Variants in RALGAPA1 observed in about 807,000 individuals in gnomAD.
RALGAPA1 encodes ral GTPase-activating protein subunit alpha-1.
In RALGAPA1, 52 loss-of-function variants were observed where a neutral mutation model predicts 269.6. That is an observed-to-expected ratio of 0.19 (90% confidence interval 0.15 to 0.24). The LOEUF is 0.24. Among genes scored for constraint, RALGAPA1 ranks in the 10% least tolerant of loss-of-function variants. The pLI is 1.00. For missense variants in RALGAPA1, 1,917 were observed against 3,013.9 expected (o/e 0.64, Z 8.52); for synonymous variants, 817 against 1,008.3 (o/e 0.81, Z 3.60).
At chr14:35,646,318 C>G (rs532436174) in intron 31 of RALGAPA1, among the ~76,000 whole-genome samples, 1 of 152,268 alleles carries the variant, frequency 6.6e-6, no homozygotes, top group African/African-American at 2.4e-5. Context: ...AGTAGCTTTA[C>G]AGTGGGAACA....
In RALGAPA1 at chr14:35,539,538, C is replaced by T; in HGVS notation, c.*176G>A. ...TGCTGATCACTGCTGGGCTGCTTGT[C>T]TCCTTAGGATTTATTGGCTGAGCCA... On this transcript the variant is annotated 3_prime_UTR_variant, in exon 42 of 42. Transcript: ENST00000680220. The T allele has an allele frequency of 6.2e-7, 1 of 1,611,644 alleles. No individual in the cohort carries two copies. Among genetic ancestry groups the T allele is most frequent in the South Asian group, 1.1e-5 (1 of 90,878 alleles).
At chr14:35,591,549 C>T (rs542308555) in intron 37 of RALGAPA1, among the ~76,000 whole-genome samples, 1 of 152,230 alleles carries the variant, frequency 6.6e-6, no homozygotes, top group East Asian at 1.9e-4. Flanking sequence ...TGGGCTGAAG[C>T]AATCCTTCCA....
intron 16 of RALGAPA1, among the ~76,000 whole-genome samples, chr14:35,700,835 T>G (rs1438180843): frequency 1.3e-5 from 2 of 152,186 alleles, no homozygotes; most frequent in Non-Finnish European, 2.9e-5. Context: ...TAATTCATAG[T>G]CAAAAGGATT....
chr14:35,682,235 T>A (rs969953438), intron 21 of RALGAPA1, among the ~76,000 whole-genome samples: 5 of 152,172 alleles, frequency 3.3e-5, no homozygotes, highest in African/African-American at 1.2e-4. Context: ...TCAGTTTACA[T>A]TCTTACTAGC....
At chr14:35,762,561 C>T in intron 5 of RALGAPA1, 149 bp downstream of exon 5, 3 of 701,616 alleles carry the variant, frequency 4.3e-6, no homozygotes, top group Non-Finnish European at 7.8e-6. Flanking sequence ...CAGCCTCTTG[C>T]TACATTTTAA....
chr14:35,627,000 G>A (rs2061031556), intron 34 of RALGAPA1, 90 bp downstream of exon 34: 1 of 1,281,398 alleles, frequency 7.8e-7, no homozygotes, highest in Non-Finnish European at 1.0e-6. Context: ...AAAATTTAGT[G>A]AGGAAAAGAA....
At chr14:35,542,198 C>T (rs186713289) in intron 41 of RALGAPA1, 3 of 321,920 alleles carry the variant, frequency 9.3e-6, no homozygotes, top group Admixed American at 4.7e-5. Context: ...GCCACAGCCA[C>T]ATTAAGTTTA....
intron 1 of RALGAPA1, among the ~76,000 whole-genome samples, chr14:35,798,125 A>G (rs2076710664): frequency 6.7e-6 from 1 of 150,058 alleles, no homozygotes; most frequent in Non-Finnish European, 1.5e-5. Context: ...CACCAGCCTC[A>G]GCCTCCCAAA....
intron 16 of RALGAPA1, among the ~76,000 whole-genome samples, chr14:35,720,504 C>T (rs970218258): frequency 4.6e-5 from 7 of 152,138 alleles, no homozygotes; most frequent in African/African-American, 1.2e-4. Context: ...CCATTAAATA[C>T]GGATACATTC....
intron 31 of RALGAPA1, among the ~76,000 whole-genome samples, chr14:35,640,453 T>A (rs1262330286): frequency 6.6e-6 from 1 of 152,138 alleles, no homozygotes; most frequent in Non-Finnish European, 1.5e-5. Flanking sequence ...GAGCGGCTAC[T>A]ATGAACAACT....
intron 35 of RALGAPA1, among the ~76,000 whole-genome samples, chr14:35,612,491 A>T (rs1044546462): frequency 1.3e-5 from 2 of 151,842 alleles, no homozygotes; most frequent in Non-Finnish European, 2.9e-5. Flanking sequence ...CAAAAAATAA[A>T]AAACAACAAA....
At chr14:35,652,670 G>A (rs2062918652) in intron 30 of RALGAPA1, among the ~76,000 whole-genome samples, 1 of 152,062 alleles carries the variant, frequency 6.6e-6, no homozygotes, top group Non-Finnish European at 1.5e-5. Context: ...CTCCCAAAGT[G>A]CTGGGATTAC....
At chr14:35,692,270 AC>A (rs1045620786) in intron 17 of RALGAPA1, among the ~76,000 whole-genome samples, 3 of 152,128 alleles carry the variant, frequency 2.0e-5, no homozygotes, top group Non-Finnish European at 4.4e-5. Context: ...AGATTTCAAA[AC>A]ATTAAAATCA....
At chr14:35,715,741 A>G (rs1208771425) in intron 16 of RALGAPA1, 82 of 985,260 alleles carry the variant, frequency 8.3e-5, no homozygotes, top group Non-Finnish European at 9.3e-5. Context: ...AAGATAACCA[A>G]TTTAACATGG....
rs560029574 is a variant in RALGAPA1 at position 35,679,142 on chromosome 14, T to C, written c.4472-1040A>G. 2.2e-4 allele frequency among the ~76,000 whole-genome samples: 34 copies of C among 152,338 alleles called. No homozygotes were observed. The South Asian group carries it at 7.0e-3, about 32-fold the overall frequency. On this transcript the variant is annotated intron_variant, in intron 21 of 41. Coordinates refer to ENST00000680220, the MANE Select transcript of RALGAPA1 (RefSeq NM_001346249.2). ...AAGTATAGCACAAATTAATGCTGTA[T>C]TGAACAACTTGTGGTGGTTATAATA... is the stretch of plus-strand genomic sequence containing the variant.
intron 17 of RALGAPA1, among the ~76,000 whole-genome samples, chr14:35,695,584 G>T (rs1386985966): frequency 2.0e-5 from 3 of 152,146 alleles, no homozygotes; most frequent in Non-Finnish European, 4.4e-5. Flanking sequence ...CAACAAAAAT[G>T]ACAAATCAGT....
intron 37 of RALGAPA1, among the ~76,000 whole-genome samples, chr14:35,587,590 A>G (rs907208988): frequency 1.3e-5 from 2 of 152,096 alleles, no homozygotes; most frequent in African/African-American, 4.8e-5. Context: ...GAAGCTGGAA[A>G]CCATCATTTT....
intron 17 of RALGAPA1, among the ~76,000 whole-genome samples, chr14:35,694,614 C>CGACT (rs1175264337): frequency 6.6e-6 from 1 of 152,026 alleles, no homozygotes; most frequent in East Asian, 1.9e-4. Context: ...TTAGCCCAGT[C>CGACT]GACTATCTTC....
At chr14:35,655,426 A>C (rs2063113961) in intron 29 of RALGAPA1, among the ~76,000 whole-genome samples, 1 of 152,120 alleles carries the variant, frequency 6.6e-6, no homozygotes, top group South Asian at 2.1e-4. Context: ...TAAAGCAAAA[A>C]AACTGAACAG....
Sources: gnomAD v4.1 joint callset for allele counts (sites outside exome capture counted in the v4.1 genomes callset) on GRCh38, gnomAD v4.1.1 for gene constraint, MANE v1.5 for transcripts, NCBI Gene and HGNC (gene_info 2026-07-23, HGNC 2026-07-21) for gene names.